Variants in CDC73 observed in about 807,000 individuals in gnomAD.
CDC73 encodes parafibromin.
A neutral mutation model predicts 83.7 loss-of-function variants in CDC73; 21 were observed. That is an observed-to-expected ratio of 0.25 (90% CI 0.18 to 0.36). The LOEUF (loss-of-function observed/expected upper bound fraction) is 0.36, where lower values mean the gene tolerates loss of function less well. CDC73 is among the 10% of genes least tolerant of loss of function. The probability of loss-of-function intolerance (pLI) is 1.00; values close to 1 mark genes in which losing one functional copy is unlikely to be tolerated. For missense variants in CDC73, 342 were observed against 653.3 expected, an observed-to-expected ratio of 0.52 and a Z score of 5.19; for synonymous variants, 224 against 212.9, an observed-to-expected ratio of 1.05 and a Z score of -0.45.
intron 13 of CDC73, among the ~76,000 whole-genome samples, chr1:193,228,534 A>G (rs933151879): frequency 2.0e-5 from 3 of 152,186 alleles, no homozygotes; most frequent in Non-Finnish European, 2.9e-5. Flanking sequence ...GGGCTATACT[A>G]TTTTCGACAA....
intron 15 of CDC73, among the ~76,000 whole-genome samples, chr1:193,244,435 A>AGCT (rs1220113635): frequency 2.6e-5 from 4 of 152,200 alleles, no homozygotes; most frequent in Non-Finnish European, 5.9e-5. Flanking sequence ...GTTAAACTGA[A>AGCT]GCTGGTTGTG....
At chr1:193,250,604 T>C in intron 16 of CDC73, 72 bp from the exon 17 acceptor site, 2 of 1,087,722 alleles carry the variant, frequency 1.8e-6, no homozygotes, top group Non-Finnish European at 2.8e-6. Flanking sequence ...TGTCAACTTG[T>C]TTTTACATGC....
intron 10 of CDC73, among the ~76,000 whole-genome samples, chr1:193,199,211 A>T (rs561682783): frequency 6.6e-5 from 10 of 152,208 alleles, no homozygotes; most frequent in African/African-American, 2.4e-4. Context: ...TTTTAGCCTC[A>T]TTGTAATTTG....
chr1:193,220,657 T>G (rs1311821081), intron 13 of CDC73, among the ~76,000 whole-genome samples: 1 of 152,168 alleles, frequency 6.6e-6, no homozygotes, highest in African/African-American at 2.4e-5. Flanking sequence ...CCTGAATTCT[T>G]TTTTTAAAAA....
chr1:193,189,000 C>G (rs1361280888), intron 10 of CDC73, among the ~76,000 whole-genome samples: 1 of 149,944 alleles, frequency 6.7e-6, no homozygotes, highest in African/African-American at 2.5e-5. Context: ...ATTGCCCAGG[C>G]TGGGGTACAG....
chr1:193,234,526 A>T (rs1258191551), intron 14 of CDC73, among the ~76,000 whole-genome samples: 2 of 151,784 alleles, frequency 1.3e-5, no homozygotes, highest in African/African-American at 4.8e-5. Context: ...TACAAATCTC[A>T]TCACTATGCT....
chr1:193,197,664 G>A (rs1311789796), intron 10 of CDC73, among the ~76,000 whole-genome samples: 2 of 152,046 alleles, frequency 1.3e-5, no homozygotes, highest in Non-Finnish European at 2.9e-5. Context: ...GGTGGCTCGT[G>A]CCTGTAATCC....
intron 7 of CDC73, among the ~76,000 whole-genome samples, chr1:193,143,927 T>G (rs1378234186): frequency 6.6e-6 from 1 of 151,958 alleles, no homozygotes; most frequent in African/African-American, 2.4e-5. Context: ...CTGGCCAACA[T>G]GGTGAAACCC....
chr1:193,149,015 T>G (rs1299319780), intron 8 of CDC73, among the ~76,000 whole-genome samples: 1 of 152,320 alleles, frequency 6.6e-6, no homozygotes, highest in East Asian at 1.9e-4. Context: ...TAGTTTTATT[T>G]GCTCATGAAA....
Position 193,130,240 on chromosome 1 carries a change from G to T in CDC73, c.304G>T (p.Ala102Ser), listed in dbSNP as rs1675671504. The T allele has an allele frequency of 6.4e-7, 1 of 1,556,158 alleles. No individual in the cohort carries two copies. Among genetic ancestry groups the T allele is most frequent in the East Asian group, 2.2e-5 (1 of 44,568 alleles). Reference sequence around the variant, plus strand: ...TCTACTTGGATATCTCAATGGTGAAGCGTGTGAGTACTTTTTAAATTGTTC... The same window carrying T: ...TCTACTTGGATATCTCAATGGTGAATCGTGTGAGTACTTTTTAAATTGTTC... ...KDLLGYLNGE[A>S]STSASIDRSA... Residue 102 changes from alanine to serine, a missense_variant, in exon 3 of 17, where the codon GCG becomes TCG. By Grantham distance (99) the Ala-to-Ser change is moderately conservative (BLOSUM62 1). Coordinates refer to ENST00000367435, the MANE Select transcript of CDC73 (RefSeq NM_024529.5).
chr1:193,181,381 G>A, intron 10 of CDC73: 7 of 1,614,038 alleles, frequency 4.3e-6, no homozygotes, highest in Non-Finnish European at 5.9e-6. Context: ...GAAAGTGTAT[G>A]TCACAGGGTT....
At chr1:193,196,264 T>TG (rs1265160756) in intron 10 of CDC73, among the ~76,000 whole-genome samples, 1 of 152,228 alleles carries the variant, frequency 6.6e-6, no homozygotes, top group African/African-American at 2.4e-5. Flanking sequence ...CCTTATTGAA[T>TG]GGTCTGGACA....
chr1:193,249,587 G>T (rs538156325), intron 15 of CDC73, 143 bp from the exon 16 acceptor site: 4 of 672,804 alleles, frequency 5.9e-6, no homozygotes, highest in Non-Finnish European at 1.0e-5. Flanking sequence ...TGGCTGGCGT[G>T]TATAAACCCT....
intron 10 of CDC73, among the ~76,000 whole-genome samples, chr1:193,154,531 A>G (rs532329665): frequency 3.9e-5 from 6 of 152,212 alleles, no homozygotes; most frequent in African/African-American, 1.4e-4. Context: ...AACTTAAGCA[A>G]ATTTATGCTG....
chr1:193,236,340 T>C lies in CDC73; in HGVS notation c.1401T>C (p.Val467=). ...GGCTTTTGCCTGATGGATCACCAGT[T>C]GATATATTTGCTAAAAGTAAGATTC... is the stretch of plus-strand genomic sequence containing the variant. ...WPWLLPDGSP[V]DIFAKIKAFH... The change falls in exon 15 of 17, where the codon GTT becomes GTC. Residue 467 remains valine, a synonymous_variant. Transcript: ENST00000367435. The C allele has an allele frequency of 6.2e-7, 1 of 1,602,174 alleles. No homozygotes were observed. The highest frequency in any genetic ancestry group is 8.6e-7 in the Non-Finnish European group (1 of 1,169,082).
chr1:193,211,700 G>A (rs940767145), intron 11 of CDC73, among the ~76,000 whole-genome samples: 2 of 152,182 alleles, frequency 1.3e-5, no homozygotes, highest in African/African-American at 4.8e-5. Flanking sequence ...CATCCTGGGT[G>A]GGGCAGTGTG....
chr1:193,145,594 A>C (rs1675984381), intron 7 of CDC73, among the ~76,000 whole-genome samples: 1 of 152,164 alleles, frequency 6.6e-6, no homozygotes. Flanking sequence ...TTGTTTTCTT[A>C]TTTTTAAAAG....
chr1:193,168,361 T>C (rs903853067), intron 10 of CDC73, among the ~76,000 whole-genome samples: 44 of 152,312 alleles, frequency 2.9e-4, no homozygotes, highest in African/African-American at 9.9e-4. Flanking sequence ...CCTGGGGATA[T>C]AAATAGGAGG....
intron 10 of CDC73, among the ~76,000 whole-genome samples, chr1:193,162,710 C>A (rs1485819796): frequency 6.6e-6 from 1 of 152,070 alleles, no homozygotes; most frequent in African/African-American, 2.4e-5. Flanking sequence ...TTGATTCAGT[C>A]TTTTATCATC....
Sources: allele counts gnomAD v4.1 joint callset (sites outside exome capture counted in the v4.1 genomes callset), GRCh38; gene constraint gnomAD v4.1.1; transcripts MANE v1.5; gene names NCBI Gene and HGNC (gene_info 2026-07-23, HGNC 2026-07-21).